DCUN1D4: variants seen among roughly 807,000 people sequenced by gnomAD.
The protein encoded by DCUN1D4 is defective in cullin neddylation 1 domain containing 4.
DCUN1D4 carries 22 observed loss-of-function variants against 47.9 expected under a neutral mutation model. The observed-to-expected ratio is 0.46, with a 90% CI of 0.33 to 0.66. The LOEUF is 0.66. DCUN1D4 is among the 30% of genes least tolerant of loss of function. The probability of loss-of-function intolerance (pLI) is 0.02; values close to 1 mark genes in which losing one functional copy is unlikely to be tolerated. For missense variants in DCUN1D4, 301 were observed against 340.8 expected (o/e 0.88, Z 0.92); for synonymous variants, 121 against 112.2 (o/e 1.08, Z -0.50).
chr4:51,889,703 G>A lies in DCUN1D4; in HGVS notation c.415-2057G>A, dbSNP rs536870572. On this transcript the variant is annotated intron_variant, in intron 6 of 10. Coordinates refer to ENST00000334635, the MANE Select transcript of DCUN1D4 (RefSeq NM_001040402.3). Reference sequence around the variant, plus strand: ...AGTTTGCATTAGAAAATGTGAGTTGGTTAGTTGTCCTAGGTAAATCGATAT... The same window carrying A: ...AGTTTGCATTAGAAAATGTGAGTTGATTAGTTGTCCTAGGTAAATCGATAT... Among the ~76,000 whole-genome samples, 823 of 152,210 alleles carry A rather than the reference G, an allele frequency of 5.4e-3. 3 individuals are homozygous for A. Among genetic ancestry groups the A allele is most frequent in the Non-Finnish European group, 8.7e-3 (595 of 68,012 alleles).
chr4:51,847,729 T>C (rs911818689), intron 1 of DCUN1D4, among the ~76,000 whole-genome samples: 2 of 152,060 alleles, frequency 1.3e-5, no homozygotes, highest in African/African-American at 4.8e-5. Flanking sequence ...GCTGAAGTTA[T>C]AGATGCACGC....
At chr4:51,835,995 G>A in the DCUN1D4 span, among the ~76,000 whole-genome samples, 5 of 152,070 alleles carry the variant, frequency 3.3e-5, no homozygotes, top group African/African-American at 1.2e-4. Context: ...GCCTGAAACT[G>A]TTCACTTAAC....
chr4:51,834,084 C>CTCTCTCTCTCTT, the DCUN1D4 span, among the ~76,000 whole-genome samples: 1 of 44,992 alleles, frequency 2.2e-5, no homozygotes, highest in African/African-American at 1.3e-4. Flanking sequence ...CTCTCTCTCT[C>CTCTCTCTCTCTT]TCTTTTCTTT....
chr4:51,894,450 A>AGT (rs1010816256), intron 7 of DCUN1D4, among the ~76,000 whole-genome samples: 2 of 151,322 alleles, frequency 1.3e-5, no homozygotes, highest in Non-Finnish European at 2.9e-5. Context: ...TGATGTGCCA[A>AGT]GTGTAGTATT....
chr4:51,858,811 T>G (rs1724549230), intron 1 of DCUN1D4, among the ~76,000 whole-genome samples: 1 of 152,332 alleles, frequency 6.6e-6, no homozygotes, highest in East Asian at 1.9e-4. Context: ...AAAGCTTTAT[T>G]GGAAAGCAGC....
chr4:51,886,441 T>G, intron 5 of DCUN1D4, 127 bp from the exon 6 acceptor site: 1 of 703,782 alleles, frequency 1.4e-6, no homozygotes, highest in African/African-American at 1.8e-5. Flanking sequence ...CAACTTAGAC[T>G]TGATTTTTTT....
At chr4:51,860,322 C>T (rs1421096634) in intron 1 of DCUN1D4, among the ~76,000 whole-genome samples, 1 of 152,054 alleles carries the variant, frequency 6.6e-6, no homozygotes, top group African/African-American at 2.4e-5. Flanking sequence ...CCTGTTTACT[C>T]TTGTTGCCTT....
Position 51,879,766 on chromosome 4 carries a change from AT to A in DCUN1D4, c.343+1916del, listed in dbSNP as rs1463129883. 5.9e-5 allele frequency among the ~76,000 whole-genome samples: 9 copies of A among 152,346 alleles called. No homozygotes were observed. The South Asian group carries it at 8.3e-4, about 14-fold the overall frequency. On this transcript the variant is annotated intron_variant, in intron 5 of 10. Coordinates refer to ENST00000334635, the MANE Select transcript of DCUN1D4 (RefSeq NM_001040402.3). ...TATGAAAATGTTTTATAAGAAGGAA[AT>A]TTTAAAGAAAAAGTACACTTAATCC...
intron 6 of DCUN1D4, chr4:51,887,083 T>A: frequency 4.4e-6 from 2 of 450,558 alleles, no homozygotes; most frequent in South Asian, 3.2e-5. Context: ...TTACTTCCAA[T>A]TGAATTTAGC....
Position 51,911,689 on chromosome 4 carries a change from T to G in DCUN1D4, c.720+515T>G, listed in dbSNP as rs114623001. 2.4e-3 allele frequency among the ~76,000 whole-genome samples: 362 copies of G among 152,308 alleles called. 2 individuals carry two copies. The highest frequency in any genetic ancestry group is 8.5e-3 in the African/African-American group (352 of 41,586). ...ATATCTCCTTCAGTTTAAATTGTCT[T>G]CAGATCAGTATCAGAACAATCCAGC... On this transcript the variant is annotated intron_variant, in intron 9 of 10. Coordinates refer to ENST00000334635, the MANE Select transcript of DCUN1D4 (RefSeq NM_001040402.3).
At chr4:51,867,534 A>G (rs752084665) in intron 3 of DCUN1D4, among the ~76,000 whole-genome samples, 9 of 152,158 alleles carry the variant, frequency 5.9e-5, no homozygotes, top group Non-Finnish European at 1.3e-4. Context: ...CAAAGTGGGT[A>G]GCTCTTTTCT....
At chr4:51,865,972 A>C (rs1379021325) in intron 3 of DCUN1D4, among the ~76,000 whole-genome samples, 1 of 152,142 alleles carries the variant, frequency 6.6e-6, no homozygotes, top group Non-Finnish European at 1.5e-5. Flanking sequence ...CTGCAGGCAG[A>C]TCTGAAAGGG....
At chr4:51,879,831 T>G (rs1180794050) in intron 5 of DCUN1D4, among the ~76,000 whole-genome samples, 1 of 152,216 alleles carries the variant, frequency 6.6e-6, no homozygotes, top group African/African-American at 2.4e-5. Flanking sequence ...TTTGGTACCT[T>G]CCTTTATAAG....
chr4:51,844,043 T>G (rs570083031), intron 1 of DCUN1D4, among the ~76,000 whole-genome samples: 1 of 136,462 alleles, frequency 7.3e-6, no homozygotes, highest in Non-Finnish European at 1.6e-5. Flanking sequence ...TGTGGAAGGG[T>G]AGGGCGATTG....
chr4:51,843,492 A>T, intron 1 of DCUN1D4: 4 of 997,384 alleles, frequency 4.0e-6, no homozygotes, highest in Non-Finnish European at 5.0e-6. Flanking sequence ...GGGAGGGCGG[A>T]GGTGAGGGGG....
chr4:51,889,338 C>T (rs1730061205), intron 6 of DCUN1D4, among the ~76,000 whole-genome samples: 1 of 152,138 alleles, frequency 6.6e-6, no homozygotes, highest in Non-Finnish European at 1.5e-5. Context: ...CATTGATGGG[C>T]AAGCACGTTT....
intron 1 of DCUN1D4, chr4:51,845,272 A>G (rs1439070762): frequency 2.0e-6 from 2 of 985,226 alleles, no homozygotes; most frequent in African/African-American, 1.7e-5. Context: ...ACGATAATAT[A>G]AACTATGTGT....
chr4:51,888,132 G>A (rs1160218890), intron 6 of DCUN1D4, among the ~76,000 whole-genome samples: 1 of 152,018 alleles, frequency 6.6e-6, no homozygotes, highest in Non-Finnish European at 1.5e-5. Flanking sequence ...AGAGTGAGTT[G>A]GGCTTGAGAG....
intron 5 of DCUN1D4, among the ~76,000 whole-genome samples, chr4:51,879,690 A>C (rs755533033): frequency 1.7e-4 from 26 of 152,234 alleles, no homozygotes; most frequent in Non-Finnish European, 2.9e-4. Context: ...TATTCTTATC[A>C]CATTGATTAT....
Sources: gnomAD v4.1 joint callset for allele counts (sites outside exome capture counted in the v4.1 genomes callset) on GRCh38, gnomAD v4.1.1 for gene constraint, MANE v1.5 for transcripts, NCBI Gene and HGNC (gene_info 2026-07-23, HGNC 2026-07-21) for gene names.